ARHGAP25: variants seen among roughly 807,000 people sequenced by gnomAD.
ARHGAP25 encodes the protein Rho GTPase activating protein 25, also known as rho GTPase-activating protein 25.
A neutral mutation model predicts 71.0 loss-of-function variants in ARHGAP25; 34 were observed. The observed-to-expected ratio is 0.48, with a 90% CI of 0.36 to 0.64. ARHGAP25 has a LOEUF of 0.64. Among genes scored for constraint, ARHGAP25 ranks in the 30% least tolerant of loss-of-function variants. ARHGAP25 has a pLI of 0.00. For missense variants in ARHGAP25, 706 were observed against 805.1 expected, an observed-to-expected ratio of 0.88 and a Z score of 1.49; for synonymous variants, 282 against 296.5, an observed-to-expected ratio of 0.95 and a Z score of 0.50.
chr2:68,750,732 G>C (rs1676118550), intron 1 of ARHGAP25, among the ~76,000 whole-genome samples: 1 of 152,230 alleles, frequency 6.6e-6, no homozygotes, highest in African/African-American at 2.4e-5. Context: ...TCTTCTCTGA[G>C]GTTCCCTGCA....
intron 2 of ARHGAP25, among the ~76,000 whole-genome samples, chr2:68,777,360 C>T (rs62135040): frequency 0.02 from 3,113 of 152,282 alleles, 48 homozygotes; most frequent in Middle Eastern, 0.044. Context: ...TTCCGGACCC[C>T]GCTTTATTCT....
chr2:68,756,853 A>G (rs1676509787), intron 1 of ARHGAP25, among the ~76,000 whole-genome samples: 2 of 152,218 alleles, frequency 1.3e-5, no homozygotes, highest in African/African-American at 4.8e-5. Flanking sequence ...TGGCACATCT[A>G]CTAGACAAAG....
At position 68,807,459 on chromosome 2, in the gene ARHGAP25, G is replaced by A; in HGVS notation, c.653G>A (p.Gly218Glu). The A allele has an allele frequency of 6.2e-7, 1 of 1,614,180 alleles. No individual in the cohort carries two copies. The highest frequency in any genetic ancestry group is 8.5e-7 in the Non-Finnish European group (1 of 1,180,028). The stretch of plus-strand genomic sequence containing the variant: ...CAGCTGAGAGACGCTTTTGATGCTG[G>A]GGAGCGGCCCTCCTTTGACAGGTAC... ...VKQLRDAFDA[G>E]ERPSFDRDTD... is the part of the protein sequence containing the mutation. The change falls in exon 5 of 11, where the codon GGG becomes GAG. Residue 218 changes from glycine (G) to glutamate (E), a missense_variant. Transcript: ENST00000409202.
chr2:68,791,054 G>A (rs976203960), intron 4 of ARHGAP25, among the ~76,000 whole-genome samples: 6 of 152,176 alleles, frequency 3.9e-5, no homozygotes, highest in Non-Finnish European at 8.8e-5. Context: ...CCAGGTAGCT[G>A]CATGGCTTGG....
chr2:68,752,127 G>C (rs1352601894), intron 1 of ARHGAP25, among the ~76,000 whole-genome samples: 8 of 152,154 alleles, frequency 5.3e-5, no homozygotes, highest in African/African-American at 1.9e-4. Context: ...CAATTCACTT[G>C]GTCTTTAAAG....
At chr2:68,764,542 C>T (rs1053685719) in intron 1 of ARHGAP25, among the ~76,000 whole-genome samples, 5 of 152,026 alleles carry the variant, frequency 3.3e-5, no homozygotes, top group African/African-American at 1.2e-4. Context: ...GGACAGGCAC[C>T]CTCTGTTCTC....
At chr2:68,744,404 G>A (rs980039899) in intron 1 of ARHGAP25, among the ~76,000 whole-genome samples, 8 of 152,064 alleles carry the variant, frequency 5.3e-5, no homozygotes, top group African/African-American at 1.9e-4. Flanking sequence ...CTTCTATTCT[G>A]ATTGACACAT....
intron 10 of ARHGAP25, 59 bp downstream of exon 10, chr2:68,822,931 G>T: frequency 6.7e-7 from 1 of 1,493,758 alleles, no homozygotes; most frequent in Non-Finnish European, 9.0e-7. Context: ...AGACAAGAGG[G>T]ATTGTTCCCA....
intron 9 of ARHGAP25, among the ~76,000 whole-genome samples, chr2:68,821,092 C>CTTTTTTTTTTTTT (rs34119311): frequency 5.4e-4 from 54 of 99,448 alleles, no homozygotes; most frequent in African/African-American, 1.3e-3. Flanking sequence ...CTTTTTCTTT[C>CTTTTTTTTTTTTT]TTTTTTTTTT....
chr2:68,804,970 C>A (rs938808283), intron 4 of ARHGAP25, among the ~76,000 whole-genome samples: 2 of 152,172 alleles, frequency 1.3e-5, no homozygotes, highest in African/African-American at 4.8e-5. Flanking sequence ...AAATCATGAT[C>A]ACAGAGTGCG....
intron 4 of ARHGAP25, among the ~76,000 whole-genome samples, chr2:68,792,441 A>G (rs999595822): frequency 1.3e-5 from 2 of 152,174 alleles, no homozygotes; most frequent in African/African-American, 4.8e-5. Context: ...TCTGTTGTCC[A>G]TAATTCCATA....
intron 5 of ARHGAP25, among the ~76,000 whole-genome samples, chr2:68,811,903 CATCA>C (rs1680854270): frequency 6.6e-6 from 1 of 152,226 alleles, no homozygotes; most frequent in African/African-American, 2.4e-5. Flanking sequence ...CCTCTTGCCA[CATCA>C]CAGCTTTTCA....
At chr2:68,816,165 C>A in intron 6 of ARHGAP25, 124 bp from the exon 7 acceptor site, 2 of 812,188 alleles carry the variant, frequency 2.5e-6, no homozygotes, top group Non-Finnish European at 4.3e-6. Context: ...ACTACAGGAA[C>A]AGGAATGACT....
chr2:68,799,748 G>A (rs982912605), intron 4 of ARHGAP25, among the ~76,000 whole-genome samples: 2 of 152,224 alleles, frequency 1.3e-5, no homozygotes, highest in African/African-American at 2.4e-5. Context: ...AGTGCTGGGG[G>A]AAGAAGGGCC....
In ARHGAP25 at chr2:68,792,634, C is replaced by A. The variant is rs143643555; in HGVS notation, c.466+4678C>A. Among the ~76,000 whole-genome samples, 16 of 152,262 alleles carry A rather than the reference C, an allele frequency of 1.1e-4. No individual in the cohort carries two copies. The East Asian group carries it at 2.9e-3, about 28-fold the overall frequency. On this transcript the variant is annotated intron_variant, in intron 4 of 10. Coordinates refer to ENST00000409202, the MANE Select transcript of ARHGAP25 (RefSeq NM_001007231.3). Reference sequence around the variant, plus strand: ...ATTCTTTGGCTGAACAGTAAGTATACCATTGTGTATTTATACCATATTTTC... The same window carrying A: ...ATTCTTTGGCTGAACAGTAAGTATAACATTGTGTATTTATACCATATTTTC...
intron 2 of ARHGAP25, among the ~76,000 whole-genome samples, chr2:68,721,085 G>C (rs1674751837): frequency 6.6e-6 from 1 of 152,114 alleles, no homozygotes; most frequent in Non-Finnish European, 1.5e-5. Flanking sequence ...TTCAACTAAT[G>C]CCAACTTGAT....
intron 1 of ARHGAP25, among the ~76,000 whole-genome samples, chr2:68,757,066 G>C (rs901585243): frequency 7.9e-5 from 12 of 152,022 alleles, no homozygotes. Flanking sequence ...ATTTGAGCAG[G>C]CAGAAGAAAG....
At chr2:68,807,951 C>T (rs1448029366) in intron 5 of ARHGAP25, among the ~76,000 whole-genome samples, 4 of 152,206 alleles carry the variant, frequency 2.6e-5, no homozygotes, top group Non-Finnish European at 5.9e-5. Flanking sequence ...TGTTAGTTTC[C>T]TGGATCACAG....
chr2:68,739,077 A>T (rs970919167), intron 1 of ARHGAP25, among the ~76,000 whole-genome samples: 4 of 152,188 alleles, frequency 2.6e-5, no homozygotes, highest in African/African-American at 7.2e-5. Context: ...AAAAGGACTG[A>T]TGTCACCTCT....
Sources: allele counts gnomAD v4.1 joint callset (sites outside exome capture counted in the v4.1 genomes callset), GRCh38; gene constraint gnomAD v4.1.1; transcripts MANE v1.5; gene names NCBI Gene and HGNC (gene_info 2026-07-23, HGNC 2026-07-21).